Variants in LTBP1 observed in about 807,000 individuals in gnomAD.
LTBP1 encodes latent-transforming growth factor beta-binding protein 1.
LTBP1 carries 129 observed loss-of-function variants against 207.6 expected under a neutral mutation model. That is an observed-to-expected ratio of 0.62 (90% CI 0.54 to 0.72). LTBP1 has a LOEUF of 0.72. Ranked by LOEUF, LTBP1 falls within the 30% of genes least tolerant of loss-of-function variation. The pLI is 0.00. For missense variants in LTBP1, 2,281 were observed against 2,217.2 expected (o/e 1.03, Z -0.58); for synonymous variants, 963 against 833.7 (o/e 1.16, Z -2.67).
intron 5 of LTBP1, among the ~76,000 whole-genome samples, 168 bp from the exon 6 acceptor site, chr2:33,186,688 G>A (rs144035990): frequency 3.9e-5 from 6 of 152,252 alleles, no homozygotes; most frequent in African/African-American, 1.4e-4. Context: ...AGTCAGTAAC[G>A]GAGACTACTT....
At chr2:33,360,926 A>G (rs75067553) in intron 27 of LTBP1, 147 bp downstream of exon 27, 2 of 609,856 alleles carry the variant, frequency 3.3e-6, no homozygotes, top group Non-Finnish European at 5.8e-6. Context: ...CAGCACCTGC[A>G]TCCCATCTTA....
intron 24 of LTBP1, among the ~76,000 whole-genome samples, chr2:33,320,392 CTG>C (rs995723545): frequency 7.2e-6 from 1 of 138,044 alleles, no homozygotes; most frequent in African/African-American, 2.9e-5. Context: ...GTGATAAACT[CTG>C]TGAAAAAAAA....
chr2:33,033,209 G>C (rs534397424), intron 3 of LTBP1, among the ~76,000 whole-genome samples: 19 of 150,540 alleles, frequency 1.3e-4, no homozygotes, highest in African/African-American at 4.6e-4. Flanking sequence ...ATCATTTCTA[G>C]TGTAAGTGGT....
chr2:33,177,109 C>T (rs1174159331), intron 5 of LTBP1, among the ~76,000 whole-genome samples: 2 of 152,182 alleles, frequency 1.3e-5, no homozygotes, highest in Admixed American at 1.3e-4. Context: ...GGGATTCAAA[C>T]TCCTGGAGGT....
intron 9 of LTBP1, among the ~76,000 whole-genome samples, chr2:33,229,736 T>C (rs1235851576): frequency 6.6e-6 from 1 of 152,214 alleles, no homozygotes; most frequent in Admixed American, 6.5e-5. Flanking sequence ...GCAAACTTTG[T>C]TCATACTGAG....
At chr2:33,050,551 TA>T (rs968236986) in intron 3 of LTBP1, among the ~76,000 whole-genome samples, 5 of 151,640 alleles carry the variant, frequency 3.3e-5, no homozygotes, top group Admixed American at 1.3e-4. Context: ...AACTCTGCTT[TA>T]AAAAAAATAG....
intron 3 of LTBP1, among the ~76,000 whole-genome samples, chr2:33,044,191 T>C (rs1168132503): frequency 6.6e-6 from 1 of 152,034 alleles, no homozygotes; most frequent in African/African-American, 2.4e-5. Flanking sequence ...GGTATACACA[T>C]GCCATGGTGG....
intron 24 of LTBP1, among the ~76,000 whole-genome samples, chr2:33,323,655 T>G (rs1043114894): frequency 7.0e-6 from 1 of 143,726 alleles, no homozygotes; most frequent in Non-Finnish European, 1.5e-5. Context: ...CAAAAAATCA[T>G]AAGTGGAACT....
intron 19 of LTBP1, among the ~76,000 whole-genome samples, chr2:33,285,035 CTT>C (rs934497674): frequency 1.5e-4 from 18 of 120,122 alleles, no homozygotes; most frequent in African/African-American, 5.1e-4. Flanking sequence ...GTATCACATT[CTT>C]TTTTTTTTTT....
Position 33,364,318 on chromosome 2 carries a change from C to T in LTBP1, c.4502C>T (p.Ala1501Val), listed in dbSNP as rs1006129562. Reference sequence around the variant, plus strand: ...TGTACTCACCCCATGGTCCTGGATGCGTCAGAAAAAAGATGTATACGACCG... The same window carrying T: ...TGTACTCACCCCATGGTCCTGGATGTGTCAGAAAAAAGATGTATACGACCG... ...CFCTHPMVLD[A>V]SEKRCIRPAE... is the part of the protein sequence containing the mutation. The change falls in exon 30 of 34, where the codon GCG (alanine) becomes GTG (valine). Residue 1501 changes from alanine (A) to valine (V), a missense_variant. Physicochemically the swap from Ala to Val is moderately conservative, Grantham distance 64. Around this residue, in one of 3 missense-constraint regions of LTBP1, gnomAD observed 1,671 missense variants for 1,634.8 expected, o/e 1.02. Coordinates refer to ENST00000404816, the MANE Select transcript of LTBP1 (RefSeq NM_206943.4). The T allele has an allele frequency of 5.0e-6, 8 of 1,613,392 alleles. No individual in the cohort carries two copies. The highest frequency in any genetic ancestry group is 2.2e-5 in the South Asian group (2 of 90,972).
chr2:33,304,216 C>G lies in LTBP1; in HGVS notation c.3481+2572C>G, dbSNP rs554155937. 2.6e-5 allele frequency among the ~76,000 whole-genome samples: 4 copies of G among 152,268 alleles called. No homozygotes were observed. In the South Asian group the frequency reaches 8.3e-4, roughly 32 times the overall value. ...AGTCAGGACTAGTTTCTCTAGTGTA[C>G]TGGGTTATAAATAGGACTGGAGTCC... On this transcript the variant is annotated intron_variant, in intron 22 of 33. Coordinates refer to ENST00000404816, the MANE Select transcript of LTBP1 (RefSeq NM_206943.4).
At chr2:33,284,364 C>T (rs2093621885) in intron 19 of LTBP1, among the ~76,000 whole-genome samples, 1 of 152,180 alleles carries the variant, frequency 6.6e-6, no homozygotes, top group South Asian at 2.1e-4. Flanking sequence ...ACCTAACACA[C>T]ATCATCCCTA....
At chr2:33,386,145 C>A (rs140883933) in intron 31 of LTBP1, among the ~76,000 whole-genome samples, 76 of 152,292 alleles carry the variant, frequency 5.0e-4, no homozygotes, top group African/African-American at 1.6e-3. Context: ...TTTCTTGATG[C>A]CTTTGGGTAC....
chr2:32,953,232 C>G (rs2148279297), intron 2 of LTBP1, among the ~76,000 whole-genome samples: 1 of 152,308 alleles, frequency 6.6e-6, no homozygotes, highest in South Asian at 2.1e-4. Context: ...ATGGCATCAT[C>G]CAGGAGGGTG....
At chr2:33,206,738 CAA>C (rs367575248) in intron 7 of LTBP1, among the ~76,000 whole-genome samples, 27 of 91,020 alleles carry the variant, frequency 3.0e-4, no homozygotes, top group South Asian at 7.1e-4. Context: ...GACTCCATTT[CAA>C]AAAAAAAAAA....
intron 7 of LTBP1, among the ~76,000 whole-genome samples, chr2:33,203,098 C>G (rs1478289381): frequency 9.2e-5 from 14 of 152,068 alleles, no homozygotes; most frequent in Admixed American, 6.6e-4. Context: ...AATGGCTGCT[C>G]TCTGTAGCCA....
At chr2:33,171,578 A>G (rs1351714689) in intron 5 of LTBP1, among the ~76,000 whole-genome samples, 26 of 151,132 alleles carry the variant, frequency 1.7e-4, no homozygotes, top group African/African-American at 6.0e-4. Context: ...GTTGGAAAAC[A>G]CTCTGCAGGA....
At chr2:33,353,859 C>CATTTTTTTTT (rs777108878) in intron 26 of LTBP1, among the ~76,000 whole-genome samples, 1 of 113,114 alleles carries the variant, frequency 8.8e-6, no homozygotes, top group Non-Finnish European at 2.0e-5. Flanking sequence ...TGCATGTACG[C>CATTTTTTTTT]CTTTTTTTTT....
chr2:33,161,051 CT>C (rs1350672065), intron 5 of LTBP1, among the ~76,000 whole-genome samples: 2 of 152,114 alleles, frequency 1.3e-5, no homozygotes, highest in African/African-American at 4.8e-5. Context: ...AGTATTGACT[CT>C]GCCATTTATT....
Sources: allele counts gnomAD v4.1 joint callset (sites outside exome capture counted in the v4.1 genomes callset), GRCh38; gene constraint gnomAD v4.1.1; regional missense constraint gnomAD v4.1.1; transcripts MANE v1.5; gene names NCBI Gene and HGNC (gene_info 2026-07-23, HGNC 2026-07-21).